Variants in KCNIP3 observed in about 807,000 individuals in gnomAD.
KCNIP3 encodes the protein potassium voltage-gated channel interacting protein 3.
In KCNIP3, 28 loss-of-function variants were observed where a neutral mutation model predicts 35.0. The observed-to-expected ratio is 0.80, with a 90% CI of 0.59 to 1.10. KCNIP3 has a LOEUF of 1.10. Among genes scored for constraint, KCNIP3 ranks in the 50% least tolerant of loss-of-function variants. The pLI, the probability that KCNIP3 is intolerant of heterozygous loss-of-function variation, is 0.00. For synonymous variants in KCNIP3, 134 were observed against 133.8 expected (o/e 1.00, Z -0.01); for missense variants, 295 against 338.4 (o/e 0.87, Z 1.01).
chr2:95,350,183 G>A (rs1184644474), intron 2 of KCNIP3, among the ~76,000 whole-genome samples: 1 of 152,194 alleles, frequency 6.6e-6, no homozygotes, highest in Non-Finnish European at 1.5e-5. Context: ...CATTCCTGAT[G>A]TGCTGGTGAC....
At chr2:95,379,428 C>G (rs370977012) in intron 5 of KCNIP3, among the ~76,000 whole-genome samples, 6 of 151,400 alleles carry the variant, frequency 4.0e-5, no homozygotes, top group African/African-American at 1.2e-4. Context: ...GAGGCCCCCC[C>G]ACCAGCCTCC....
At chr2:95,297,486 A>C in intron 1 of KCNIP3, 33 bp downstream of exon 1, 1 of 127,532 alleles carries the variant, frequency 7.8e-6, no homozygotes. Context: ...CTTGCTCTGG[A>C]GGGGGGTCGG....
chr2:95,308,674 G>A (rs1024152681), intron 1 of KCNIP3, among the ~76,000 whole-genome samples: 1 of 152,188 alleles, frequency 6.6e-6, no homozygotes, highest in Non-Finnish European at 1.5e-5. Context: ...CATGGCCAGG[G>A]CTGGTGTCCG....
intron 2 of KCNIP3, among the ~76,000 whole-genome samples, chr2:95,359,080 A>G (rs1679727798): frequency 6.6e-6 from 1 of 152,190 alleles, no homozygotes; most frequent in African/African-American, 2.4e-5. Context: ...AAACTGTAGC[A>G]TTCTGCCCAG....
At chr2:95,351,686 C>A (rs939852266) in intron 2 of KCNIP3, among the ~76,000 whole-genome samples, 1 of 152,214 alleles carries the variant, frequency 6.6e-6, no homozygotes, top group African/African-American at 2.4e-5. Flanking sequence ...AGCTCTGTGG[C>A]TCAGAGGTCT....
At chr2:95,339,299 G>T (rs1679136443) in intron 2 of KCNIP3, among the ~76,000 whole-genome samples, 1 of 152,162 alleles carries the variant, frequency 6.6e-6, no homozygotes, top group Non-Finnish European at 1.5e-5. Flanking sequence ...ATTAGGTCAG[G>T]CCAGGCACGG....
rs72819502 is a variant in KCNIP3, at chr2:95,306,024, G to A, written c.16-4331G>A. ...ATAAACGGCCAAAAATACCGTGGTC[G>A]GGCTCTGTGGTAGCGCATGCCTAGT... On this transcript the variant is annotated intron_variant, in intron 1 of 8. Coordinates refer to ENST00000295225, the MANE Select transcript of KCNIP3 (RefSeq NM_013434.5). Among the ~76,000 whole-genome samples, 649 of 152,286 alleles carry A rather than the reference G, an allele frequency of 4.3e-3. 2 individuals are homozygous for A. The highest frequency in any genetic ancestry group is 0.014 in the African/African-American group (567 of 41,572).
At chr2:95,383,346 G>A (rs753797223) in intron 8 of KCNIP3, 52 bp downstream of exon 8, 1 of 1,578,758 alleles carries the variant, frequency 6.3e-7, no homozygotes, top group South Asian at 1.1e-5. Context: ...CTACACGGAG[G>A]TGGGTGGTTG....
chr2:95,378,580 CA>C lies in KCNIP3; in HGVS notation c.448-3000del, dbSNP rs1241947318. ...CGAAACCCCGTCTCTACTAAAAATA[CA>C]AAAAAAAAAAAAAAATTAGCTGGGC... On this transcript the variant is annotated intron_variant, in intron 5 of 8. Coordinates refer to ENST00000295225, the MANE Select transcript of KCNIP3 (RefSeq NM_013434.5). This position sits in a 1 kb window ranked among gnomAD's most constrained non-coding sequence, Gnocchi z 4.0. Among the ~76,000 whole-genome samples the C allele has an allele frequency of 0.12, 13,487 of 110,188 alleles. 716 individuals carry two copies. The highest frequency in any genetic ancestry group is 0.22 in the Middle Eastern group (45 of 208). 72.3% of individuals were successfully genotyped at this position (110,188 alleles called of 152,430 possible).
chr2:95,365,719 G>A (rs1028638144), intron 2 of KCNIP3, among the ~76,000 whole-genome samples: 1 of 152,126 alleles, frequency 6.6e-6, no homozygotes, highest in African/African-American at 2.4e-5. Flanking sequence ...TCGGGAAAGA[G>A]GATTAAGTTC....
intron 2 of KCNIP3, among the ~76,000 whole-genome samples, chr2:95,322,358 C>A (rs1678617161): frequency 6.6e-6 from 1 of 151,934 alleles, no homozygotes; most frequent in African/African-American, 2.4e-5. Context: ...TGAGATCCTG[C>A]CTCAAAGAAA....
intron 2 of KCNIP3, among the ~76,000 whole-genome samples, chr2:95,347,292 A>T (rs1454432183): frequency 6.6e-6 from 1 of 152,166 alleles, no homozygotes; most frequent in Non-Finnish European, 1.5e-5. Flanking sequence ...ACGTAGTCCC[A>T]GGAAGCCCCA....
intron 2 of KCNIP3, among the ~76,000 whole-genome samples, chr2:95,318,826 T>C (rs1678521430): frequency 6.6e-6 from 1 of 152,132 alleles, no homozygotes; most frequent in African/African-American, 2.4e-5. Flanking sequence ...AGAAGTCAAG[T>C]GATTTCCAAA....
At chr2:95,332,700 A>G (rs912798234) in intron 2 of KCNIP3, among the ~76,000 whole-genome samples, 3 of 152,354 alleles carry the variant, frequency 2.0e-5, no homozygotes, top group Non-Finnish European at 4.4e-5. Flanking sequence ...ATATGAGGCT[A>G]CACAAATTCT....
chr2:95,383,149 C>A, intron 7 of KCNIP3, 83 bp from the exon 8 acceptor site: 1 of 1,131,840 alleles, frequency 8.8e-7, no homozygotes, highest in Non-Finnish European at 1.3e-6. Flanking sequence ...ATCCACCCAC[C>A]CATGACTTCT....
chr2:95,371,799 T>G (rs1680047491), intron 2 of KCNIP3, among the ~76,000 whole-genome samples: 1 of 150,934 alleles, frequency 6.6e-6, no homozygotes, highest in East Asian at 2.0e-4. Context: ...ATTCTTTTAT[T>G]TTAAATCTTT....
chr2:95,345,676 C>T (rs1394198822), intron 2 of KCNIP3, among the ~76,000 whole-genome samples: 1 of 152,232 alleles, frequency 6.6e-6, no homozygotes, highest in East Asian at 1.9e-4. Context: ...GTCCGTCCGG[C>T]GGGGATGCCC....
At chr2:95,308,089 C>T (rs1006529811) in intron 1 of KCNIP3, among the ~76,000 whole-genome samples, 1 of 152,008 alleles carries the variant, frequency 6.6e-6, no homozygotes, top group African/African-American at 2.4e-5. Flanking sequence ...AACATGTGTA[C>T]TTGTGTGCAT....
At chr2:95,344,513 G>A (rs549986349) in intron 2 of KCNIP3, among the ~76,000 whole-genome samples, 2 of 152,384 alleles carry the variant, frequency 1.3e-5, no homozygotes, top group Middle Eastern at 3.4e-3. Context: ...GGCACAGCCA[G>A]AGGATCGATG....
Sources: allele counts gnomAD v4.1 joint callset (sites outside exome capture counted in the v4.1 genomes callset), GRCh38; gene constraint gnomAD v4.1.1; non-coding constraint Gnocchi (gnomAD v3.1); transcripts MANE v1.5; gene names NCBI Gene and HGNC (gene_info 2026-07-23, HGNC 2026-07-21).